FHIT: variants seen among roughly 807,000 people sequenced by gnomAD.
FHIT encodes bis(5'-adenosyl)-triphosphatase.
In FHIT, 19 loss-of-function variants were observed where a neutral mutation model predicts 17.9. The observed-to-expected ratio is 1.06, with a 90% CI of 0.74 to 1.56. FHIT has a LOEUF of 1.56. Ranked by LOEUF, FHIT falls within the 40% of genes most tolerant of loss-of-function variation. The pLI is 0.00. For synonymous variants in FHIT, 81 were observed against 69.7 expected (o/e 1.16, Z -0.81); for missense variants, 248 against 189.2 (o/e 1.31, Z -1.82).
chr3:59,922,273 G>T, intron 8 of FHIT, 73 bp downstream of exon 8: 1 of 1,234,620 alleles, frequency 8.1e-7, no homozygotes, highest in South Asian at 1.2e-5. Context: ...GGTAATACTT[G>T]ATTCATTAGG....
intron 3 of FHIT, among the ~76,000 whole-genome samples, chr3:61,010,177 A>G (rs1244612340): frequency 6.6e-6 from 1 of 152,180 alleles, no homozygotes; most frequent in East Asian, 1.9e-4. Flanking sequence ...ACTTGATGAC[A>G]AAGCATTCCT....
intron 7 of FHIT, among the ~76,000 whole-genome samples, chr3:59,929,861 T>G (rs1211957237): frequency 1.7e-4 from 7 of 42,198 alleles, no homozygotes; most frequent in Admixed American, 1.1e-3. Context: ...TGATACACGC[T>G]TTTTTTTTTT....
chr3:60,258,197 C>A (rs764444222), intron 5 of FHIT, among the ~76,000 whole-genome samples: 3 of 152,000 alleles, frequency 2.0e-5, no homozygotes, highest in Non-Finnish European at 4.4e-5. Context: ...AATTTCCCTT[C>A]CTGGCAGGTG....
intron 2 of FHIT, among the ~76,000 whole-genome samples, chr3:61,184,500 G>A (rs183358253): frequency 4.7e-4 from 72 of 152,200 alleles, no homozygotes; most frequent in Middle Eastern, 6.8e-3. Flanking sequence ...AGGTGCTTCA[G>A]GGTCAGAAAG....
chr3:59,772,572 G>C (rs1212344862), intron 8 of FHIT, among the ~76,000 whole-genome samples: 1 of 152,214 alleles, frequency 6.6e-6, no homozygotes, highest in Non-Finnish European at 1.5e-5. Context: ...ACAGGGCTGG[G>C]ATGCAAATGC....
At chr3:59,915,770 C>G (rs1237803972) in intron 8 of FHIT, among the ~76,000 whole-genome samples, 25 of 151,970 alleles carry the variant, frequency 1.6e-4, no homozygotes, top group Non-Finnish European at 1.5e-5. Flanking sequence ...CGAGACCTGT[C>G]TCTACAAAAG....
chr3:60,048,920 T>G (rs1701763634), intron 5 of FHIT, among the ~76,000 whole-genome samples: 1 of 152,148 alleles, frequency 6.6e-6, no homozygotes, highest in Non-Finnish European at 1.5e-5. Flanking sequence ...TATTAACAGT[T>G]TTTCAACAGA....
chr3:59,885,233 G>C (rs771060035), intron 8 of FHIT, among the ~76,000 whole-genome samples: 1 of 152,164 alleles, frequency 6.6e-6, no homozygotes, highest in African/African-American at 2.4e-5. Flanking sequence ...ATTGGGCTCA[G>C]CCACTGGAGA....
chr3:60,444,857 T>A (rs12163583), intron 5 of FHIT, among the ~76,000 whole-genome samples: 74,947 of 151,428 alleles, frequency 0.49, 20,869 homozygotes, highest in African/African-American at 0.74. Context: ...AAAAAAATTT[T>A]AAAAAAAAAG....
At chr3:59,753,944 C>CAACTT (rs1701060116) in intron 8 of FHIT, among the ~76,000 whole-genome samples, 3 of 152,228 alleles carry the variant, frequency 2.0e-5, no homozygotes, top group South Asian at 4.1e-4. Context: ...TGAAAAAGGT[C>CAACTT]AACTTAACGA....
intron 5 of FHIT, among the ~76,000 whole-genome samples, chr3:60,243,586 T>C (rs1041487073): frequency 6.6e-6 from 1 of 152,010 alleles, no homozygotes; most frequent in African/African-American, 2.4e-5. Context: ...GCCCCTGAAG[T>C]CCTTTAGAAG....
chr3:59,773,128 T>G (rs1702148614), intron 8 of FHIT, among the ~76,000 whole-genome samples: 1 of 152,082 alleles, frequency 6.6e-6, no homozygotes, highest in Admixed American at 6.6e-5. Flanking sequence ...GTATCTTGAG[T>G]GGAAATCTTA....
At chr3:59,825,044 A>C (rs771110953) in intron 8 of FHIT, among the ~76,000 whole-genome samples, 4 of 152,224 alleles carry the variant, frequency 2.6e-5, no homozygotes, top group Non-Finnish European at 5.9e-5. Context: ...AAAATAAAGC[A>C]AACATTTTGT....
intron 8 of FHIT, among the ~76,000 whole-genome samples, chr3:59,765,332 G>A (rs1701740421): frequency 1.3e-5 from 2 of 152,160 alleles, no homozygotes; most frequent in Admixed American, 6.5e-5. Context: ...ACTGTTCCTA[G>A]AATCAGGGAT....
At chr3:59,951,188 C>T (rs1219513115) in intron 7 of FHIT, among the ~76,000 whole-genome samples, 1 of 152,152 alleles carries the variant, frequency 6.6e-6, no homozygotes, top group African/African-American at 2.4e-5. Flanking sequence ...ACAAACTTAA[C>T]CCCGTATTAT....
chr3:59,982,998 C>A (rs1403105286), intron 7 of FHIT, among the ~76,000 whole-genome samples: 1 of 151,834 alleles, frequency 6.6e-6, no homozygotes. Context: ...GAGCACAATG[C>A]CACTATCTCA....
chr3:60,779,298 A>G (rs1333257542), intron 4 of FHIT, among the ~76,000 whole-genome samples: 6 of 152,140 alleles, frequency 3.9e-5, no homozygotes, highest in South Asian at 2.1e-4. Flanking sequence ...TTAAGTTTTC[A>G]TCTACCTTTT....
chr3:60,278,184 T>A (rs954728598), intron 5 of FHIT, among the ~76,000 whole-genome samples: 2 of 152,158 alleles, frequency 1.3e-5, no homozygotes, highest in Admixed American at 1.3e-4. Flanking sequence ...GAGACTATAC[T>A]TTTCTGAGTT....
chr3:60,398,798 T>C (rs1222345021), intron 5 of FHIT, among the ~76,000 whole-genome samples: 1 of 152,032 alleles, frequency 6.6e-6, no homozygotes, highest in Non-Finnish European at 1.5e-5. Context: ...AAGAAAATAA[T>C]ATATATACCA....
Sources: allele counts gnomAD v4.1 joint callset (sites outside exome capture counted in the v4.1 genomes callset), GRCh38; gene constraint gnomAD v4.1.1; transcripts MANE v1.5; gene names NCBI Gene and HGNC (gene_info 2026-07-23, HGNC 2026-07-21).